The following DOK6 variants were observed in gnomAD, a reference collection of about 807,000 sequenced individuals.
DOK6 encodes docking protein 6.
In DOK6, 22 loss-of-function variants were observed where a neutral mutation model predicts 44.0. The ratio of observed to expected loss-of-function variants is 0.50; its 90% CI spans 0.36 to 0.71. The LOEUF (loss-of-function observed/expected upper bound fraction) is 0.71. Among genes scored for constraint, DOK6 ranks in the 30% least tolerant of loss-of-function variants. The pLI, the probability that DOK6 is intolerant of heterozygous loss-of-function variation, is 0.00. For missense variants in DOK6, 340 were observed against 416.4 expected (o/e 0.82, Z 1.60); for synonymous variants, 166 against 145.5 (o/e 1.14, Z -1.01).
At position 69,844,330 on chromosome 18, in the gene DOK6, G is replaced by A. The variant is rs1982301049; in HGVS notation, c.*2947G>A. 1 of 152,142 alleles carries A rather than the reference G, an allele frequency of 6.6e-6. No homozygotes were observed. Among genetic ancestry groups the A allele is most frequent in the South Asian group, 2.1e-4 (1 of 4,824 alleles). The allele number at this position is 152,142 out of a possible 1,614,324, so 9.4% of individuals were successfully genotyped here. ...TAGATGGTCACCATTTCTGCATCAG[G>A]TTGGAAGAGACCAATGATAAAGGAA... On this transcript the variant is annotated 3_prime_UTR_variant, in exon 8 of 8. Transcript: ENST00000382713.
intron 5 of DOK6, among the ~76,000 whole-genome samples, chr18:69,729,398 T>A (rs1191154093): frequency 6.6e-6 from 1 of 152,252 alleles, no homozygotes; most frequent in Non-Finnish European, 1.5e-5. Flanking sequence ...CTTCATTATA[T>A]CTTTCCCAAT....
intron 5 of DOK6, among the ~76,000 whole-genome samples, chr18:69,722,903 A>C (rs1978291058): frequency 2.6e-5 from 4 of 152,202 alleles, no homozygotes; most frequent in Admixed American, 1.3e-4. Flanking sequence ...AAAATACTAA[A>C]GAAATTAGAA....
chr18:69,426,924 C>G (rs145218639), intron 1 of DOK6, among the ~76,000 whole-genome samples: 2 of 152,202 alleles, frequency 1.3e-5, no homozygotes, highest in Non-Finnish European at 2.9e-5. Flanking sequence ...GCTTGTTTTA[C>G]AGCTGATTTC....
chr18:69,571,301 A>C lies in DOK6; in HGVS notation c.174+6707A>C, dbSNP rs559969345. Among the ~76,000 whole-genome samples, 18 of 152,172 alleles carry C rather than the reference A, an allele frequency of 1.2e-4. No individual in the cohort carries two copies. In the East Asian group the frequency reaches 3.5e-3, roughly 29 times the overall value. On this transcript the variant is annotated intron_variant, in intron 2 of 7. Transcript: ENST00000382713. ...TTAAATAATATTCAAAAATTCCAGA[A>C]GAAAATAAGAAAGGAGAAAAGAGGT...
intron 3 of DOK6, among the ~76,000 whole-genome samples, chr18:69,644,682 A>G (rs1165321858): frequency 6.6e-6 from 1 of 152,178 alleles, no homozygotes; most frequent in African/African-American, 2.4e-5. Flanking sequence ...TTTATAAGGT[A>G]GAGTGATTCC....
chr18:69,789,284 G>C (rs1980523613), intron 7 of DOK6, among the ~76,000 whole-genome samples: 1 of 151,976 alleles, frequency 6.6e-6, no homozygotes, highest in African/African-American at 2.4e-5. Context: ...TATAAAATCT[G>C]GCTTTATGAG....
chr18:69,609,738 G>T (rs1342195184), intron 3 of DOK6, among the ~76,000 whole-genome samples: 1 of 152,100 alleles, frequency 6.6e-6, no homozygotes, highest in Non-Finnish European at 1.5e-5. Context: ...GTTTATTGCA[G>T]CACTATTCAC....
intron 3 of DOK6, among the ~76,000 whole-genome samples, chr18:69,637,202 C>A (rs1007413591): frequency 4.6e-5 from 7 of 152,100 alleles, no homozygotes; most frequent in Admixed American, 2.0e-4. Flanking sequence ...ACCCACTGAT[C>A]GTTATTATTT....
At chr18:69,687,728 G>A (rs894953518) in intron 4 of DOK6, among the ~76,000 whole-genome samples, 1 of 152,082 alleles carries the variant, frequency 6.6e-6, no homozygotes, top group Non-Finnish European at 1.5e-5. Flanking sequence ...CTAACAGACT[G>A]AAGAACATCA....
chr18:69,417,627 A>G (rs945808101), intron 1 of DOK6, among the ~76,000 whole-genome samples: 2 of 152,050 alleles, frequency 1.3e-5, no homozygotes, highest in Non-Finnish European at 2.9e-5. Flanking sequence ...TCAAATTTTG[A>G]AGAACCTCCA....
intron 7 of DOK6, among the ~76,000 whole-genome samples, chr18:69,839,225 C>G (rs189361275): frequency 2.0e-5 from 3 of 150,526 alleles, no homozygotes; most frequent in African/African-American, 7.3e-5. Context: ...CCAGTCTCTC[C>G]CTAACTCATC....
chr18:69,548,233 G>A (rs537723606), intron 1 of DOK6, among the ~76,000 whole-genome samples: 2 of 151,422 alleles, frequency 1.3e-5, no homozygotes, highest in East Asian at 1.9e-4. Flanking sequence ...GATTACAGGC[G>A]TGAGCCACCG....
chr18:69,740,644 C>T (rs1978769061), intron 6 of DOK6, among the ~76,000 whole-genome samples: 1 of 152,188 alleles, frequency 6.6e-6, no homozygotes, highest in African/African-American at 2.4e-5. Flanking sequence ...CACTTACTGG[C>T]TGTATAATCT....
intron 1 of DOK6, among the ~76,000 whole-genome samples, chr18:69,463,240 C>G (rs547184525): frequency 1.3e-5 from 2 of 152,226 alleles, no homozygotes; most frequent in South Asian, 2.1e-4. Context: ...CATGAAGGTT[C>G]TGCCCTCTGT....
intron 6 of DOK6, among the ~76,000 whole-genome samples, chr18:69,748,812 C>G (rs909077927): frequency 6.6e-6 from 1 of 152,046 alleles, no homozygotes; most frequent in Non-Finnish European, 1.5e-5. Flanking sequence ...TGGATGTATC[C>G]CCAAAGGAAT....
chr18:69,564,415 A>G, intron 1 of DOK6, 72 bp from the exon 2 acceptor site: 1 of 1,302,754 alleles, frequency 7.7e-7, no homozygotes, highest in Non-Finnish European at 1.1e-6. Context: ...AAAATTGATT[A>G]ATTGAATCAA....
chr18:69,507,054 T>C (rs1981210799), intron 1 of DOK6, among the ~76,000 whole-genome samples: 1 of 151,970 alleles, frequency 6.6e-6, no homozygotes, highest in Non-Finnish European at 1.5e-5. Flanking sequence ...TGAGACAGAG[T>C]CTTTGTCACC....
At chr18:69,521,919 A>G (rs549247656) in intron 1 of DOK6, among the ~76,000 whole-genome samples, 1 of 152,094 alleles carries the variant, frequency 6.6e-6, no homozygotes, top group Non-Finnish European at 1.5e-5. Context: ...ATTATGTGGC[A>G]GTTAAAATTT....
intron 7 of DOK6, among the ~76,000 whole-genome samples, chr18:69,761,333 C>T (rs1403705839): frequency 6.6e-6 from 1 of 152,062 alleles, no homozygotes; most frequent in Non-Finnish European, 1.5e-5. Context: ...GGGCCGGCTG[C>T]GACCAATTAT....
Sources: allele counts gnomAD v4.1 joint callset (sites outside exome capture counted in the v4.1 genomes callset), GRCh38; gene constraint gnomAD v4.1.1; transcripts MANE v1.5; gene names NCBI Gene and HGNC (gene_info 2026-07-23, HGNC 2026-07-21).